The following USP13 variants were observed in gnomAD, a reference collection of about 807,000 sequenced individuals.
The protein encoded by USP13 is ubiquitin specific peptidase 13.
Under a neutral mutation model 107.8 loss-of-function variants are expected in USP13, and 68 were observed. The observed-to-expected ratio is 0.63, with a 90% confidence interval of 0.52 to 0.77. The LOEUF (loss-of-function observed/expected upper bound fraction) is 0.77, where lower values mean the gene tolerates loss of function less well. Ranked by LOEUF, USP13 falls within the 30% of genes least tolerant of loss-of-function variation. The probability of loss-of-function intolerance (pLI) is 0.00; values close to 1 mark genes in which losing one functional copy is unlikely to be tolerated. For synonymous variants in USP13, 377 were observed against 389.5 expected, an observed-to-expected ratio of 0.97 and a Z score of 0.38; for missense variants, 945 against 1,093.3, an observed-to-expected ratio of 0.86 and a Z score of 1.91.
At chr3:179,722,913 G>A (rs1576952710) in intron 8 of USP13, among the ~76,000 whole-genome samples, 1 of 152,162 alleles carries the variant, frequency 6.6e-6, no homozygotes, top group Non-Finnish European at 1.5e-5. Context: ...CTCCTACACC[G>A]AGGGGGACAG....
intron 1 of USP13, among the ~76,000 whole-genome samples, chr3:179,665,970 A>C (rs1328057973): frequency 6.6e-6 from 1 of 152,194 alleles, no homozygotes; most frequent in Non-Finnish European, 1.5e-5. Context: ...AATCTAGTAG[A>C]GTTACTGGCG....
chr3:179,705,491 C>G (rs893121384), intron 4 of USP13, among the ~76,000 whole-genome samples: 1 of 152,134 alleles, frequency 6.6e-6, no homozygotes, highest in Non-Finnish European at 1.5e-5. Flanking sequence ...ATAGATTTGT[C>G]TACTCTGGAC....
rs1310606240 is a variant in USP13, at chr3:179,785,240, C to T, written c.*1099C>T. Reference sequence around the variant, plus strand: ...CTCCGTTTCCTTGTTTTTCTGGGGCCAGAGTCTCATCTCTGCCTTTTTTTG... The same window carrying T: ...CTCCGTTTCCTTGTTTTTCTGGGGCTAGAGTCTCATCTCTGCCTTTTTTTG... On this transcript the variant is annotated 3_prime_UTR_variant, in exon 21 of 21. Transcript: ENST00000263966. 6.6e-6 allele frequency: 1 copy of T among 152,174 alleles called. No individual in the cohort carries two copies. Among genetic ancestry groups the T allele is most frequent in the African/African-American group, 2.4e-5 (1 of 41,440 alleles). The allele number at this position is 152,174 out of a possible 1,614,324, so 9.4% of individuals were successfully genotyped here. A position where few individuals can be genotyped will look rare whatever the true frequency, so the allele number is the denominator to read the frequency against.
Position 179,653,707 on chromosome 3 carries a change from G to T in USP13, c.168+314G>T, listed in dbSNP as rs539778624. 3 of 278,592 alleles carry T rather than the reference G, an allele frequency of 1.1e-5. No homozygotes were observed. The highest frequency in any genetic ancestry group is 2.0e-5 in the Non-Finnish European group (3 of 146,628). The allele number at this position is 278,592 out of a possible 1,614,324, so 17.3% of individuals were successfully genotyped here. On this transcript the variant is annotated intron_variant, in intron 1 of 20. Coordinates refer to ENST00000263966, the MANE Select transcript of USP13 (RefSeq NM_003940.3). The surrounding 1 kb of genome is among the most constrained non-coding windows in gnomAD (Gnocchi z 4.0). Reference sequence around the variant, plus strand: ...AAGAGTTCCCTGTTCCGAACTGCACGTTGCAGATCGTTTGCGTCCTCCGCG... The same window carrying T: ...AAGAGTTCCCTGTTCCGAACTGCACTTTGCAGATCGTTTGCGTCCTCCGCG...
chr3:179,659,079 A>C lies in USP13; in HGVS notation c.168+5686A>C, dbSNP rs1425239862. Among the ~76,000 whole-genome samples, 3 of 151,940 alleles carry C rather than the reference A, an allele frequency of 2.0e-5. No homozygotes were observed. In the East Asian group the frequency reaches 5.8e-4, roughly 29 times the overall value. On this transcript the variant is annotated intron_variant, in intron 1 of 20. Transcript: ENST00000263966. ...TTTTTTAAGAAGGAGCTTTTTTCCC[A>C]TTTTTGAAAGCTCTGAGATGGCTCG...
intron 15 of USP13, among the ~76,000 whole-genome samples, chr3:179,756,641 C>T (rs974412052): frequency 1.3e-5 from 2 of 152,050 alleles, no homozygotes; most frequent in African/African-American, 4.8e-5. Flanking sequence ...GCCTGTAGTT[C>T]CAGCTACTCA....
intron 6 of USP13, among the ~76,000 whole-genome samples, chr3:179,718,153 C>T (rs1452154059): frequency 4.6e-5 from 7 of 151,990 alleles, no homozygotes; most frequent in African/African-American, 1.7e-4. Flanking sequence ...TTTTGTTTTT[C>T]AAATATAAGA....
intron 10 of USP13, among the ~76,000 whole-genome samples, chr3:179,738,671 A>G (rs1482892451): frequency 2.0e-5 from 3 of 152,146 alleles, no homozygotes; most frequent in Non-Finnish European, 2.9e-5. Context: ...GAATCTTCCT[A>G]CCTGCCTCTT....
intron 6 of USP13, among the ~76,000 whole-genome samples, chr3:179,717,580 C>T (rs1193683921): frequency 6.6e-6 from 1 of 152,122 alleles, no homozygotes; most frequent in African/African-American, 2.4e-5. Flanking sequence ...CTAATACAGC[C>T]CTGATCATTA....
At chr3:179,738,613 G>C (rs937935952) in intron 10 of USP13, among the ~76,000 whole-genome samples, 5 of 152,146 alleles carry the variant, frequency 3.3e-5, no homozygotes, top group African/African-American at 1.2e-4. Flanking sequence ...GGAAACATTT[G>C]GGAAACAGCT....
At chr3:179,720,540 A>G (rs1055641643) in intron 7 of USP13, among the ~76,000 whole-genome samples, 16 of 152,186 alleles carry the variant, frequency 1.1e-4, no homozygotes, top group African/African-American at 3.9e-4. Context: ...TTTTCCTTTA[A>G]GGAACTATTT....
chr3:179,680,997 G>T (rs1337985766), intron 1 of USP13, among the ~76,000 whole-genome samples: 1 of 97,648 alleles, frequency 1.0e-5, no homozygotes, highest in Non-Finnish European at 2.3e-5. Flanking sequence ...ATATCACAGT[G>T]AAAATTTTGC....
chr3:179,671,956 G>A (rs185543293), intron 1 of USP13, among the ~76,000 whole-genome samples: 2 of 152,308 alleles, frequency 1.3e-5, no homozygotes, highest in African/African-American at 4.8e-5. Flanking sequence ...CTGTTCTGTA[G>A]TTATAAAAAC....
chr3:179,656,558 T>C (rs1256894684), intron 1 of USP13, among the ~76,000 whole-genome samples: 1 of 152,202 alleles, frequency 6.6e-6, no homozygotes, highest in Admixed American at 6.5e-5. Context: ...AGAATTTGTT[T>C]TTCACCTACC....
intron 13 of USP13, among the ~76,000 whole-genome samples, chr3:179,747,747 G>C (rs991769532): frequency 6.6e-6 from 1 of 152,196 alleles, no homozygotes; most frequent in Non-Finnish European, 1.5e-5. Context: ...TCACCGCCCA[G>C]TGATTCCATC....
intron 7 of USP13, among the ~76,000 whole-genome samples, chr3:179,720,305 C>T (rs1713265807): frequency 6.6e-6 from 1 of 152,158 alleles, no homozygotes; most frequent in Admixed American, 6.5e-5. Flanking sequence ...AAATTAGTCT[C>T]CTTTGATGGG....
chr3:179,752,928 AT>A (rs1390727808), intron 14 of USP13, among the ~76,000 whole-genome samples: 1 of 152,206 alleles, frequency 6.6e-6, no homozygotes, highest in Non-Finnish European at 1.5e-5. Context: ...AAACAAAAGG[AT>A]GTGATTTTGG....
chr3:179,698,132 T>C (rs1712385872), intron 3 of USP13, among the ~76,000 whole-genome samples: 1 of 152,210 alleles, frequency 6.6e-6, no homozygotes, highest in Admixed American at 6.5e-5. Flanking sequence ...GAGGTAAGAC[T>C]CATTTCCGGC....
Position 179,653,359 on chromosome 3 carries a change from A to T in USP13, c.134A>T (p.Tyr45Phe). 6.3e-7 allele frequency: 1 copy of T among 1,575,086 alleles called. No homozygotes were observed. The highest frequency in any genetic ancestry group is 8.6e-7 in the Non-Finnish European group (1 of 1,160,532). Residue 45 changes from tyrosine (Y) to phenylalanine (F), a missense_variant, in exon 1 of 21, where the codon TAC (tyrosine) becomes TTC (phenylalanine). Physicochemically the swap from Tyr to Phe is conservative, Grantham distance 22. Coordinates refer to ENST00000263966, the MANE Select transcript of USP13 (RefSeq NM_003940.3). This position sits in a 1 kb window ranked among gnomAD's most constrained non-coding sequence, Gnocchi z 4.0. ...IRVPRSGDRV[Y>F]KNECAFSYDS... ...GTGCCCAGGTCCGGCGACAGGGTCT[A>T]CAAGAACGAGTGCGCCTTCTCCTAC...
Sources: allele counts gnomAD v4.1 joint callset (sites outside exome capture counted in the v4.1 genomes callset), GRCh38; gene constraint gnomAD v4.1.1; non-coding constraint Gnocchi (gnomAD v3.1); transcripts MANE v1.5; gene names NCBI Gene and HGNC (gene_info 2026-07-23, HGNC 2026-07-21).